Variants in WASF3 observed in about 807,000 individuals in gnomAD.
WASF3 encodes actin-binding protein WASF3.
A neutral mutation model predicts 46.6 loss-of-function variants in WASF3; 11 were observed. The ratio of observed to expected loss-of-function variants is 0.24; its 90% CI spans 0.15 to 0.39. The LOEUF is 0.39. WASF3 is among the 10% of genes least tolerant of loss of function. WASF3 has a pLI of 1.00. For synonymous variants in WASF3, 242 were observed against 259.7 expected, an observed-to-expected ratio of 0.93 and a Z score of 0.65; for missense variants, 576 against 669.8, an observed-to-expected ratio of 0.86 and a Z score of 1.55.
intron 1 of WASF3, among the ~76,000 whole-genome samples, chr13:26,587,908 G>A (rs1301639483): frequency 1.3e-5 from 2 of 152,076 alleles, no homozygotes; most frequent in African/African-American, 2.4e-5. Context: ...CTTTTGGAAA[G>A]TTACATTGAG....
At chr13:26,569,555 C>T (rs2137151110) in intron 1 of WASF3, among the ~76,000 whole-genome samples, 1 of 152,086 alleles carries the variant, frequency 6.6e-6, no homozygotes, top group East Asian at 1.9e-4. Context: ...TGAGGTGCAG[C>T]TAAAGTCATA....
upstream of WASF3, among the ~76,000 whole-genome samples, chr13:26,552,745 G>T (rs529534656): frequency 4.6e-5 from 7 of 152,088 alleles, no homozygotes; most frequent in African/African-American, 1.4e-4. Context: ...TTTCTCTTCC[G>T]CAAAGTGAGA....
At position 26,642,293 on chromosome 13, in the gene WASF3, T is replaced by C. The variant is rs1882020999; in HGVS notation, c.23T>C (p.Ile8Thr). The C allele has an allele frequency of 1.3e-6, 2 of 1,587,856 alleles. No individual in the cohort carries two copies. Residue 8 changes from isoleucine to threonine, a missense_variant, in exon 3 of 10, where the codon ATT (isoleucine) becomes ACT (threonine). Ile to Thr is a moderately conservative substitution (Grantham distance 89, BLOSUM62 -1). This residue lies in a region of WASF3 where 213 missense variants were observed against 278.0 expected (regional missense o/e 0.77). Coordinates refer to ENST00000335327, the MANE Select transcript of WASF3 (RefSeq NM_006646.6). The part of the protein sequence containing the change: MPLVKRN[I>T]EPRHLCRGAL... ...ACCATGCCTTTAGTGAAGAGGAACA[T>C]TGAGCCCCGGCACTTGTGCCGGGGA...
intron 1 of WASF3, among the ~76,000 whole-genome samples, chr13:26,589,628 C>T (rs550956997): frequency 6.6e-6 from 1 of 152,064 alleles, no homozygotes; most frequent in Non-Finnish European, 1.5e-5. Context: ...TGATTTTTGA[C>T]TATATCTAGT....
intron 1 of WASF3, among the ~76,000 whole-genome samples, chr13:26,563,736 G>A (rs908922942): frequency 6.9e-6 from 1 of 145,790 alleles, no homozygotes; most frequent in Non-Finnish European, 1.5e-5. Flanking sequence ...AGATGCTTCT[G>A]TTTCTTCTCT....
At chr13:26,670,380 G>GA (rs1383746799) in intron 5 of WASF3, among the ~76,000 whole-genome samples, 2 of 152,056 alleles carry the variant, frequency 1.3e-5, no homozygotes, top group East Asian at 3.9e-4. Context: ...ATAGCATTAG[G>GA]AGAACTATGT....
intron 1 of WASF3, among the ~76,000 whole-genome samples, chr13:26,598,595 G>A (rs1015029712): frequency 1.3e-5 from 2 of 152,212 alleles, no homozygotes; most frequent in Admixed American, 1.3e-4. Flanking sequence ...CTTTGAAGTA[G>A]CATTAATTAG....
At chr13:26,676,789 T>C (rs1396316486) in intron 7 of WASF3, 65 bp downstream of exon 7, 6 of 1,486,410 alleles carry the variant, frequency 4.0e-6, no homozygotes, top group Non-Finnish European at 5.4e-6. Context: ...CTGGTTTTAT[T>C]ATCATTTGAA....
At chr13:26,666,588 T>C (rs1882776997) in intron 4 of WASF3, among the ~76,000 whole-genome samples, 1 of 152,122 alleles carries the variant, frequency 6.6e-6, no homozygotes, top group Non-Finnish European at 1.5e-5. Flanking sequence ...TCTGTCCACC[T>C]CAAAAAGTTT....
rs559739752 is a variant in WASF3, at chr13:26,629,048, G to A, written c.-10-13213G>A. 2.6e-5 allele frequency among the ~76,000 whole-genome samples: 4 copies of A among 152,362 alleles called. No individual in the cohort carries two copies. In the South Asian group the frequency reaches 6.2e-4, roughly 24 times the overall value. ...GGACCCGCGTTGGGTGGTTTGATATGTGATGTGACCATTGGATCCTGTCGA... is the reference window on the plus strand; with the variant it reads ...GGACCCGCGTTGGGTGGTTTGATATATGATGTGACCATTGGATCCTGTCGA... On this transcript the variant is annotated intron_variant, in intron 2 of 9. Coordinates refer to ENST00000335327, the MANE Select transcript of WASF3 (RefSeq NM_006646.6).
chr13:26,646,755 G>A (rs1004838305), intron 3 of WASF3, among the ~76,000 whole-genome samples: 1 of 152,176 alleles, frequency 6.6e-6, no homozygotes, highest in Non-Finnish European at 1.5e-5. Context: ...TGCCCTGGGA[G>A]ACCTACTGTG....
chr13:26,575,141 C>T (rs926450300), intron 1 of WASF3, among the ~76,000 whole-genome samples: 3 of 152,046 alleles, frequency 2.0e-5, no homozygotes, highest in Non-Finnish European at 2.9e-5. Context: ...TGGCCAACCC[C>T]TTCTTATTTT....
intron 1 of WASF3, among the ~76,000 whole-genome samples, chr13:26,600,046 G>C (rs977737885): frequency 3.9e-5 from 6 of 152,164 alleles, no homozygotes; most frequent in African/African-American, 1.4e-4. Flanking sequence ...TCCTCTTTGG[G>C]CTCCGAAGAT....
chr13:26,571,309 G>A (rs903014001), intron 1 of WASF3, among the ~76,000 whole-genome samples: 4 of 152,130 alleles, frequency 2.6e-5, no homozygotes, highest in African/African-American at 9.7e-5. Flanking sequence ...TGGGTTTTGA[G>A]TCAAGGTCAG....
chr13:26,567,595 C>A (rs1049062268), intron 1 of WASF3, among the ~76,000 whole-genome samples: 4 of 152,126 alleles, frequency 2.6e-5, no homozygotes, highest in Non-Finnish European at 5.9e-5. Flanking sequence ...TGCTATCTGG[C>A]TCTTTACAGT....
intron 1 of WASF3, among the ~76,000 whole-genome samples, chr13:26,594,606 A>T (rs543583964): frequency 7.0e-4 from 106 of 152,216 alleles, no homozygotes; most frequent in African/African-American, 2.5e-3. Context: ...CGTGTACATC[A>T]TTCATACTGC....
intron 7 of WASF3, among the ~76,000 whole-genome samples, chr13:26,678,020 T>C (rs73494719): frequency 0.039 from 5,880 of 152,282 alleles, 388 homozygotes; most frequent in African/African-American, 0.13. Flanking sequence ...TTATTCCATG[T>C]TGGATATAAA....
Position 26,667,665 on chromosome 13 carries a change from A to C in WASF3, c.417A>C (p.Pro139=). 6.2e-7 allele frequency: 1 copy of C among 1,613,936 alleles called. No individual in the cohort carries two copies. Among genetic ancestry groups the C allele is most frequent in the Non-Finnish European group, 8.5e-7 (1 of 1,179,936 alleles). Residue 139 remains proline (P), a synonymous_variant, in exon 5 of 10, where the codon CCA becomes CCC. Coordinates refer to ENST00000335327, the MANE Select transcript of WASF3 (RefSeq NM_006646.6). ...DKPPPLNILT[P]YRDDKKDGLK... ...CACCGCCTCTGAACATCCTGACACC[A>C]TACAGGTATAGCTTCATGAGTCCCA...
At chr13:26,547,393 AACACACACACAC>A in the WASF3 span, among the ~76,000 whole-genome samples, 72 of 131,346 alleles carry the variant, frequency 5.5e-4, no homozygotes, top group Admixed American at 8.8e-4. Flanking sequence ...CTACCCCATC[AACACACACACAC>A]ACACACACAC....
Sources: gnomAD v4.1 joint callset for allele counts (sites outside exome capture counted in the v4.1 genomes callset) on GRCh38, gnomAD v4.1.1 for gene constraint, gnomAD v4.1.1 regional missense constraint, MANE v1.5 for transcripts, NCBI Gene and HGNC (gene_info 2026-07-23, HGNC 2026-07-21) for gene names.